NUP98: variants seen among roughly 807,000 people sequenced by gnomAD.
NUP98 encodes nuclear pore complex protein Nup98-Nup96.
A neutral mutation model predicts 191.9 loss-of-function variants in NUP98; 26 were observed. The ratio of observed to expected loss-of-function variants is 0.14; its 90% CI spans 0.10 to 0.19. The LOEUF (loss-of-function observed/expected upper bound fraction) is 0.19. Among genes scored for constraint, NUP98 ranks in the 10% least tolerant of loss-of-function variants. The probability of loss-of-function intolerance (pLI) is 1.00; values close to 1 mark genes in which losing one functional copy is unlikely to be tolerated. For synonymous variants in NUP98, 808 were observed against 778.4 expected, an observed-to-expected ratio of 1.04 and a Z score of -0.63; for missense variants, 1,941 against 2,178.8, an observed-to-expected ratio of 0.89 and a Z score of 2.17.
chr11:3,717,115 C>A lies in NUP98; in HGVS notation c.2399+2297G>T, dbSNP rs186497634. Among the ~76,000 whole-genome samples, 1,242 of 152,290 alleles carry A rather than the reference C, an allele frequency of 8.2e-3. 14 individuals are homozygous for A. The highest frequency in any genetic ancestry group is 0.011 in the Non-Finnish European group (752 of 68,030). On this transcript the variant is annotated intron_variant, in intron 18 of 32. Coordinates refer to ENST00000324932, the MANE Select transcript of NUP98 (RefSeq NM_016320.5). ...GTTCAAGCCATTCTCTAGCCTCAGC[C>A]TCCGGAGTAGCTGGGATTACAGGTA...
intron 2 of NUP98, among the ~76,000 whole-genome samples, chr11:3,780,711 G>C (rs2081939769): frequency 6.6e-6 from 1 of 151,986 alleles, no homozygotes; most frequent in South Asian, 2.1e-4. Context: ...TTAGGTGGGA[G>C]AACTGCTTGA....
intron 7 of NUP98, among the ~76,000 whole-genome samples, chr11:3,769,493 T>C (rs1170803451): frequency 6.7e-6 from 1 of 149,806 alleles, no homozygotes; most frequent in Non-Finnish European, 1.5e-5. Context: ...GGAATATTAC[T>C]TGGGCCCAAG....
chr11:3,771,879 T>C lies in NUP98; in HGVS notation c.653A>G (p.Gln218Arg). The change falls in exon 7 of 33, where the codon CAG (glutamine) becomes CGG (arginine). Residue 218 changes from glutamine to arginine, a missense_variant. Around this residue, in one of 6 missense-constraint regions of NUP98, gnomAD observed 28 missense variants for 74.0 expected, o/e 0.38. Coordinates refer to ENST00000324932, the MANE Select transcript of NUP98 (RefSeq NM_016320.5). The stretch of plus-strand genomic sequence containing the variant: ...GCCAGTTGTGGTACCTGCTCCCACC[T>C]GGTTCTGTGGGCCCTTCCTGTTAGC... ...YQANRKGPQN[Q>R]VGAGTTTGLF... The C allele has an allele frequency of 5.0e-6, 8 of 1,614,170 alleles. No individual in the cohort carries two copies. Among genetic ancestry groups the C allele is most frequent in the Non-Finnish European group, 6.8e-6 (8 of 1,179,998 alleles).
At chr11:3,779,858 T>G (rs2081893330) in intron 2 of NUP98, among the ~76,000 whole-genome samples, 1 of 151,922 alleles carries the variant, frequency 6.6e-6, no homozygotes, top group Non-Finnish European at 1.5e-5. Context: ...CCGGGCACGG[T>G]GGCTCACACC....
At chr11:3,767,136 T>G (rs530933896) in intron 8 of NUP98, among the ~76,000 whole-genome samples, 1 of 152,194 alleles carries the variant, frequency 6.6e-6, no homozygotes, top group Non-Finnish European at 1.5e-5. Flanking sequence ...CTAATTTTTG[T>G]ATTTTTGGTA....
Position 3,699,132 on chromosome 11 carries a change from T to G in NUP98, c.3959A>C (p.Tyr1320Ser). The G allele has an allele frequency of 6.2e-7, 1 of 1,613,582 alleles. No individual in the cohort carries two copies. Among genetic ancestry groups the G allele is most frequent in the South Asian group, 1.1e-5 (1 of 91,054 alleles). ...KNSPVEAVFS[Y>S]LTGKRISEAC... ...CTCACTGATCCTTTTGCCTGTGAGGTAGCTGAATACAGCCTCCACAGGGCT... is the reference window on the plus strand; with the variant it reads ...CTCACTGATCCTTTTGCCTGTGAGGGAGCTGAATACAGCCTCCACAGGGCT... Residue 1320 changes from tyrosine (Y) to serine (S), a missense_variant, in exon 25 of 33, where the codon TAC becomes TCC. Around this residue, in one of 6 missense-constraint regions of NUP98, gnomAD observed 1,030 missense variants for 1,115.8 expected, o/e 0.92. Coordinates refer to ENST00000324932, the MANE Select transcript of NUP98 (RefSeq NM_016320.5).
intron 16 of NUP98, 142 bp from the exon 17 acceptor site, chr11:3,720,967 GGTGTGTGA>G (rs1223013772): frequency 1.8e-5 from 8 of 434,536 alleles, no homozygotes; most frequent in Middle Eastern, 6.2e-4. Context: ...TAGGAGAAGG[GGTGTGTGA>G]GTGTGTGTGT....
intron 9 of NUP98, among the ~76,000 whole-genome samples, 186 bp from the exon 10 acceptor site, chr11:3,760,812 T>C (rs894639332): frequency 1.3e-5 from 2 of 152,172 alleles, no homozygotes; most frequent in Admixed American, 6.5e-5. Context: ...ATTAACTTTA[T>C]AAACACGGAA....
At chr11:3,750,703 C>T (rs1285818057) in intron 11 of NUP98, among the ~76,000 whole-genome samples, 6 of 152,044 alleles carry the variant, frequency 3.9e-5, no homozygotes, top group Non-Finnish European at 8.8e-5. Context: ...TCGTAACCCA[C>T]TGCAGCATCT....
intron 1 of NUP98, among the ~76,000 whole-genome samples, chr11:3,790,331 T>C (rs919030642): frequency 6.6e-6 from 1 of 152,076 alleles, no homozygotes; most frequent in Non-Finnish European, 1.5e-5. Context: ...CTGGCTGAAG[T>C]GAAGAGGGAG....
intron 19 of NUP98, among the ~76,000 whole-genome samples, chr11:3,713,154 A>G (rs2079070573): frequency 6.6e-6 from 1 of 152,184 alleles, no homozygotes; most frequent in Admixed American, 6.5e-5. Flanking sequence ...CTTCATCTCC[A>G]AAAATCTTTA....
chr11:3,762,911 A>G lies in NUP98; in HGVS notation c.1077T>C (p.Ala359=), dbSNP rs1467331784. Reference sequence around the variant, plus strand: ...AACTGCAGAAACCTACCGAACCAACAGCACCAAATCCAGTATTGGTCTGCC... The same window carrying G: ...AACTGCAGAAACCTACCGAACCAACGGCACCAAATCCAGTATTGGTCTGCC... ...LFGQTNTGFG[A]VGSTLFGNNK... is the part of the protein sequence containing the mutation. Residue 359 remains alanine (A), a synonymous_variant, in exon 9 of 33, where the codon GCT becomes GCC. Coordinates refer to ENST00000324932, the MANE Select transcript of NUP98 (RefSeq NM_016320.5). 1.2e-6 allele frequency: 2 copies of G among 1,613,596 alleles called. No homozygotes were observed. The highest frequency in any genetic ancestry group is 2.7e-5 in the African/African-American group (2 of 74,916).
rs1354618087 is a variant in NUP98 at position 3,702,311 on chromosome 11, ACACTCTCTCTCTCT to A, written c.3512+138_3512+151del. The A allele has an allele frequency of 4.1e-4, 174 of 424,008 alleles. No homozygotes were observed. In the African/African-American group the frequency reaches 5.2e-3, roughly 13 times the overall value. 26.3% of individuals were successfully genotyped at this position (424,008 alleles called of 1,614,324 possible). A position where few individuals can be genotyped will look rare whatever the true frequency, so the allele number is the denominator to read the frequency against. Reference sequence around the variant, plus strand: ...CACACACACACACACACACACACACACACTCTCTCTCTCTCTCTCTCTCTCTCTCTCTCTCTCTC... The same window carrying A: ...CACACACACACACACACACACACACACTCTCTCTCTCTCTCTCTCTCTCTC... On this transcript the variant is annotated intron_variant, in intron 23 of 32. Transcript: ENST00000324932.
rs1037857255 is a variant in NUP98, at chr11:3,706,596, C to T, written c.2774G>A (p.Arg925Lys). The change falls in exon 21 of 33, where the codon AGG (arginine) becomes AAG (lysine). Residue 925 changes from arginine to lysine, a missense_variant. By Grantham distance (26) the Arg-to-Lys change is conservative (BLOSUM62 2). Transcript: ENST00000324932. ...CATGTCACTGTCCAGTTCCACAACCCTCCCTAACTGCTCCACCTCTGGGCT... is the reference window on the plus strand; with the variant it reads ...CATGTCACTGTCCAGTTCCACAACCTTCCCTAACTGCTCCACCTCTGGGCT... ...SQSPEVEQLG[R>K]VVELDSDMVD... is the part of the protein sequence containing the mutation. 1 of 1,614,036 alleles carries T rather than the reference C, an allele frequency of 6.2e-7. No homozygotes were observed. The highest frequency in any genetic ancestry group is 8.5e-7 in the Non-Finnish European group (1 of 1,180,012).
chr11:3,711,290 T>C (rs2079018024), intron 20 of NUP98, among the ~76,000 whole-genome samples: 1 of 152,150 alleles, frequency 6.6e-6, no homozygotes. Flanking sequence ...CTCTTTTTGC[T>C]AGAACCTTGA....
chr11:3,713,860 T>C lies in NUP98; in HGVS notation c.2535A>G (p.Gln845=), dbSNP rs754304474. The change falls in exon 19 of 33, where the codon CAA becomes CAG. Residue 845 remains glutamine (Q), a synonymous_variant. Transcript: ENST00000324932. ...CAGTTTCAGGCCGGTATTCTTTGAA[T>C]TGAGCTCCCTGTTTCCTTGAAACTG... is the stretch of plus-strand genomic sequence containing the variant. ...LEAVSRKQGA[Q]FKEYRPETGS... is the part of the protein sequence containing the mutation. 3.1e-6 allele frequency: 5 copies of C among 1,614,030 alleles called. No individual in the cohort carries two copies. The highest frequency in any genetic ancestry group is 1.6e-4 in the Middle Eastern group (1 of 6,082).
intron 20 of NUP98, among the ~76,000 whole-genome samples, chr11:3,709,142 G>A (rs1014778889): frequency 1.3e-5 from 2 of 152,118 alleles, no homozygotes; most frequent in Non-Finnish European, 2.9e-5. Flanking sequence ...CAAGTCCAAG[G>A]TCAAACAGAT....
intron 26 of NUP98, 141 bp downstream of exon 26, chr11:3,695,308 A>G (rs980453835): frequency 1.4e-6 from 1 of 702,942 alleles, no homozygotes; most frequent in African/African-American, 1.8e-5. Context: ...GCCTGCCTTT[A>G]TAATTTGAAA....
chr11:3,795,121 T>TA (rs2082484652), intron 1 of NUP98, among the ~76,000 whole-genome samples: 1 of 152,208 alleles, frequency 6.6e-6, no homozygotes, highest in African/African-American at 2.4e-5. Flanking sequence ...TACTTGCTCT[T>TA]AGTTATCTAG....
Sources: allele counts gnomAD v4.1 joint callset (sites outside exome capture counted in the v4.1 genomes callset), GRCh38; gene constraint gnomAD v4.1.1; regional missense constraint gnomAD v4.1.1; transcripts MANE v1.5; gene names NCBI Gene and HGNC (gene_info 2026-07-23, HGNC 2026-07-21).